The following MICAL3 variants were observed in gnomAD, a reference collection of about 807,000 sequenced individuals.
MICAL3 encodes the protein [F-actin]-monooxygenase MICAL3.
Under a neutral mutation model 207.4 loss-of-function variants are expected in MICAL3, and 62 were observed. That is an observed-to-expected ratio of 0.30 (90% CI 0.24 to 0.37). The LOEUF is 0.37. Among genes scored for constraint, MICAL3 ranks in the 10% least tolerant of loss-of-function variants. MICAL3 has a pLI of 1.00. For missense variants in MICAL3, 2,368 were observed against 2,635.6 expected (o/e 0.90, Z 2.22); for synonymous variants, 1,077 against 1,069.3 (o/e 1.01, Z -0.14).
At chr22:17,976,384 T>C (rs1003250368) in intron 1 of MICAL3, among the ~76,000 whole-genome samples, 3 of 152,006 alleles carry the variant, frequency 2.0e-5, no homozygotes, top group African/African-American at 4.8e-5. Flanking sequence ...TTTGCTTAAA[T>C]GTAACCTCAG....
intron 16 of MICAL3, 59 bp downstream of exon 16, chr22:17,885,819 T>C: frequency 1.3e-6 from 2 of 1,545,072 alleles, no homozygotes; most frequent in Non-Finnish European, 1.8e-6. Flanking sequence ...ATGGAAAAGA[T>C]CCCCCCTTCT....
In MICAL3 at chr22:17,794,761, C is replaced by T. The variant is rs1027287702; in HGVS notation, c.5651-3460G>A. Among the ~76,000 whole-genome samples, 14 of 152,084 alleles carry T rather than the reference C, an allele frequency of 9.2e-5. No individual in the cohort carries two copies. The East Asian group carries it at 1.5e-3, about 17-fold the overall frequency. ...GGAACGATGCTGGGAGGAGTGCTGA[C>T]GGGGCATCGAGAGACAGTGTGCAGA... On this transcript the variant is annotated intron_variant, in intron 29 of 31. Coordinates refer to ENST00000441493, the MANE Select transcript of MICAL3 (RefSeq NM_015241.3).
rs867244706 is a variant in MICAL3 at position 17,886,105 on chromosome 22, T to A, written c.2068-54A>T. ...GCGCTGTGACAGGAGGCTCCCCCCA[T>A]GCCCCTCCCTCACAGAAGTGCACTC... On this transcript the variant is annotated intron_variant, in intron 15 of 31. Coordinates refer to ENST00000441493, the MANE Select transcript of MICAL3 (RefSeq NM_015241.3). 1.3e-5 allele frequency: 21 copies of A among 1,591,152 alleles called. No individual in the cohort carries two copies. The South Asian group carries it at 2.3e-4, about 18-fold the overall frequency.
At chr22:17,814,361 C>T (rs1353006193) in intron 27 of MICAL3, 2 of 152,232 alleles carry the variant, frequency 1.3e-5, no homozygotes, top group African/African-American at 4.8e-5. Flanking sequence ...GATACCACGA[C>T]CCTTCGTCCC....
intron 1 of MICAL3, among the ~76,000 whole-genome samples, chr22:17,980,404 A>G (rs1432740914): frequency 6.6e-6 from 1 of 152,206 alleles, no homozygotes; most frequent in Non-Finnish European, 1.5e-5. Context: ...CCTCCTCCAC[A>G]GCATTTTGTT....
intron 1 of MICAL3, among the ~76,000 whole-genome samples, chr22:17,976,865 G>A (rs1935681606): frequency 2.0e-5 from 3 of 149,936 alleles, no homozygotes. Context: ...GGAGTGCAGT[G>A]GCGTGATCTC....
Position 17,810,747 on chromosome 22 carries a change from T to C in MICAL3, c.5512A>G (p.Arg1838Gly), listed in dbSNP as rs753848322. 1 of 1,613,968 alleles carries C rather than the reference T, an allele frequency of 6.2e-7. No individual in the cohort carries two copies. Among genetic ancestry groups the C allele is most frequent in the Admixed American group, 1.7e-5 (1 of 60,028 alleles). Residue 1838 changes from arginine to glycine, a missense_variant, in exon 28 of 32, where the codon AGA becomes GGA. Coordinates refer to ENST00000441493, the MANE Select transcript of MICAL3 (RefSeq NM_015241.3). ...TTAAGCTCCTCCTGCTTGGCCTGTC[T>C]CCGAGCTGCCTTTTGCACACGCCGG... ...LTRRVQKAAR[R>G]QAKQEELKRL...
chr22:17,924,408 C>G (rs924285077), intron 1 of MICAL3, among the ~76,000 whole-genome samples: 1 of 152,108 alleles, frequency 6.6e-6, no homozygotes, highest in Non-Finnish European at 1.5e-5. Context: ...AAGGAAAAGC[C>G]AATGTACTCT....
intron 19 of MICAL3, chr22:17,861,324 A>G (rs1926493935): frequency 2.0e-6 from 2 of 985,458 alleles, no homozygotes; most frequent in African/African-American, 1.7e-5. Context: ...GGGGTCAGGC[A>G]ACTGCCACTT....
At chr22:17,953,911 A>C (rs1418555121) in intron 1 of MICAL3, among the ~76,000 whole-genome samples, 1 of 137,198 alleles carries the variant, frequency 7.3e-6, no homozygotes, top group African/African-American at 2.7e-5. Flanking sequence ...AGCCCAGGTG[A>C]CAGAGTAAGA....
At chr22:17,861,909 G>A in intron 19 of MICAL3, 3 of 985,436 alleles carry the variant, frequency 3.0e-6, no homozygotes, top group Non-Finnish European at 3.6e-6. Context: ...ACTGCAGGTT[G>A]TAATTGGGTG....
rs531925357 is a variant in MICAL3 at position 17,891,708 on chromosome 22, A to G, written c.1547-76T>C. 3.4e-5 allele frequency: 48 copies of G among 1,430,732 alleles called. 2 individuals are homozygous for G. The South Asian group carries it at 5.5e-4, about 16-fold the overall frequency. The allele number at this position is 1,430,732 out of a possible 1,614,324, so 88.6% of individuals were successfully genotyped here. A position where few individuals can be genotyped will look rare whatever the true frequency, so the allele number is the denominator to read the frequency against. On this transcript the variant is annotated intron_variant, in intron 11 of 31. Coordinates refer to ENST00000441493, the MANE Select transcript of MICAL3 (RefSeq NM_015241.3). ...TGACAGAGAATCCTCTTTGTAGGAC[A>G]CATGTCCCCTTTGAAAAATTACTGA...
chr22:17,864,052 G>A, intron 19 of MICAL3: 1 of 986,130 alleles, frequency 1.0e-6, no homozygotes, highest in Non-Finnish European at 1.2e-6. Flanking sequence ...ACACCCAGCA[G>A]TTTGTGGAGC....
At chr22:17,897,364 A>G (rs1930934365) in intron 7 of MICAL3, among the ~76,000 whole-genome samples, 2 of 138,282 alleles carry the variant, frequency 1.4e-5, no homozygotes, top group African/African-American at 5.6e-5. Flanking sequence ...CGGAGGTTGC[A>G]GTGAGCTGAG....
At chr22:17,852,769 A>G (rs1925473770) in intron 19 of MICAL3, among the ~76,000 whole-genome samples, 1 of 152,168 alleles carries the variant, frequency 6.6e-6, no homozygotes, top group Non-Finnish European at 1.5e-5. Context: ...TCAGGTTAGG[A>G]GTTGAAAATT....
chr22:17,912,011 T>C (rs1932176161), intron 1 of MICAL3, among the ~76,000 whole-genome samples: 1 of 152,082 alleles, frequency 6.6e-6, no homozygotes, highest in South Asian at 2.1e-4. Context: ...CCTGGTATCC[T>C]TGTCAAAAAT....
intron 19 of MICAL3, among the ~76,000 whole-genome samples, chr22:17,856,440 C>T (rs888281260): frequency 3.9e-5 from 6 of 152,034 alleles, no homozygotes; most frequent in Non-Finnish European, 7.4e-5. Context: ...GCACCCAGTG[C>T]TTCCTGTTTC....
chr22:17,860,241 C>A (rs887521181), intron 19 of MICAL3: 195 of 984,698 alleles, frequency 2.0e-4, no homozygotes, highest in Non-Finnish European at 2.2e-4. Context: ...CTTGGTTTCA[C>A]AGTCAACGGC....
intron 17 of MICAL3, among the ~76,000 whole-genome samples, chr22:17,867,768 G>C (rs1481108358): frequency 6.6e-6 from 1 of 152,236 alleles, no homozygotes; most frequent in Non-Finnish European, 1.5e-5. Context: ...AAGCTATAAA[G>C]TTAAGGCTTC....
Sources: gnomAD v4.1 joint callset for allele counts (sites outside exome capture counted in the v4.1 genomes callset) on GRCh38, gnomAD v4.1.1 for gene constraint, MANE v1.5 for transcripts, NCBI Gene and HGNC (gene_info 2026-07-23, HGNC 2026-07-21) for gene names.